The following SLCO2B1 variants were observed in gnomAD, a reference collection of about 807,000 sequenced individuals.
SLCO2B1 encodes solute carrier organic anion transporter family member 2B1.
A neutral mutation model predicts 67.3 loss-of-function variants in SLCO2B1; 41 were observed. The observed-to-expected ratio is 0.61, with a 90% confidence interval of 0.47 to 0.79. The LOEUF (loss-of-function observed/expected upper bound fraction) is 0.79. Among genes scored for constraint, SLCO2B1 ranks in the 30% least tolerant of loss-of-function variants. SLCO2B1 has a pLI of 0.00. For synonymous variants in SLCO2B1, 379 were observed against 381.4 expected, an observed-to-expected ratio of 0.99 and a Z score of 0.07; for missense variants, 837 against 920.1, an observed-to-expected ratio of 0.91 and a Z score of 1.17.
intron 1 of SLCO2B1, among the ~76,000 whole-genome samples, chr11:75,158,393 AGT>A: frequency 6.6e-6 from 1 of 152,232 alleles, no homozygotes; most frequent in East Asian, 1.9e-4. Context: ...TTGCACAAAG[AGT>A]GTGTGAGCTA....
chr11:75,164,271 AGGACTT>A (rs565228649), intron 3 of SLCO2B1, among the ~76,000 whole-genome samples, 171 bp downstream of exon 3: 148 of 152,130 alleles, frequency 9.7e-4, no homozygotes, highest in Non-Finnish European at 1.8e-3. Context: ...GCTGTCTTCT[AGGACTT>A]GGACTTGGCT....
At chr11:75,159,224 G>A (rs546151062) in intron 1 of SLCO2B1, among the ~76,000 whole-genome samples, 5 of 152,342 alleles carry the variant, frequency 3.3e-5, no homozygotes, top group East Asian at 3.9e-4. Context: ...CCAAGTGACC[G>A]ACTGACAGTC....
chr11:75,198,262 T>C (rs934912849), intron 10 of SLCO2B1, among the ~76,000 whole-genome samples: 4 of 152,222 alleles, frequency 2.6e-5, no homozygotes, highest in African/African-American at 9.6e-5. Context: ...GGCCTCTAAC[T>C]GACTCTGTTA....
At chr11:75,162,550 T>C (rs1399377230) in intron 1 of SLCO2B1, 105 bp from the exon 2 acceptor site, 6 of 1,246,278 alleles carry the variant, frequency 4.8e-6, no homozygotes, top group Non-Finnish European at 6.7e-6. Context: ...CTAAGAACTC[T>C]TCTTCCTGAA....
chr11:75,184,983 A>G (rs1257835118), intron 7 of SLCO2B1, among the ~76,000 whole-genome samples: 2 of 152,186 alleles, frequency 1.3e-5, no homozygotes, highest in African/African-American at 4.8e-5. Context: ...TCCCCTGAGG[A>G]CAGGAAACCT....
intron 3 of SLCO2B1, among the ~76,000 whole-genome samples, 196 bp downstream of exon 3, chr11:75,164,296 T>C (rs1399142863): frequency 2.0e-5 from 3 of 152,088 alleles, no homozygotes; most frequent in African/African-American, 7.2e-5. Flanking sequence ...CTGTCTCCCC[T>C]TGGGAACCTC....
intron 1 of SLCO2B1, among the ~76,000 whole-genome samples, chr11:75,157,455 C>A (rs1396864585): frequency 1.3e-5 from 2 of 152,164 alleles, no homozygotes; most frequent in Non-Finnish European, 2.9e-5. Context: ...CTGGGGGCTT[C>A]AAGCCTGTAT....
At chr11:75,177,947 A>T (rs553484060) in intron 7 of SLCO2B1, among the ~76,000 whole-genome samples, 229 of 152,146 alleles carry the variant, frequency 1.5e-3, no homozygotes, top group African/African-American at 5.0e-3. Context: ...TATAAAAATT[A>T]GCTGGGCATG....
intron 7 of SLCO2B1, among the ~76,000 whole-genome samples, chr11:75,187,052 T>C (rs543344129): frequency 1.3e-5 from 2 of 152,352 alleles, no homozygotes; most frequent in Non-Finnish European, 2.9e-5. Flanking sequence ...AAGGGATTAT[T>C]ATGGTATCTA....
intron 7 of SLCO2B1, among the ~76,000 whole-genome samples, chr11:75,177,521 A>G (rs183400687): frequency 1.5e-3 from 229 of 152,324 alleles, no homozygotes; most frequent in African/African-American, 5.0e-3. Flanking sequence ...CGAGGGGCTG[A>G]AGAAAAGACC....
At chr11:75,167,497 C>T (rs527382196) in intron 4 of SLCO2B1, among the ~76,000 whole-genome samples, 3 of 152,234 alleles carry the variant, frequency 2.0e-5, no homozygotes, top group Non-Finnish European at 2.9e-5. Context: ...GGGAGAGACT[C>T]GGGGATCTCC....
intron 7 of SLCO2B1, among the ~76,000 whole-genome samples, chr11:75,182,548 G>A (rs537819007): frequency 1.3e-5 from 2 of 152,288 alleles, no homozygotes; most frequent in South Asian, 4.1e-4. Flanking sequence ...TTCGAGACCA[G>A]CCTGCCCAAC....
chr11:75,156,746 G>C (rs983253900), intron 1 of SLCO2B1, among the ~76,000 whole-genome samples: 10 of 152,208 alleles, frequency 6.6e-5, no homozygotes, highest in African/African-American at 2.4e-4. Flanking sequence ...GCTGCTTATT[G>C]CCCATTTTTA....
Position 75,169,662 on chromosome 11 carries a change from G to A in SLCO2B1, c.683-4G>A, listed in dbSNP as rs199650493. 3.7e-5 allele frequency: 60 copies of A among 1,610,336 alleles called. No homozygotes were observed. Among genetic ancestry groups the A allele is most frequent in the Admixed American group, 2.7e-4 (16 of 59,502 alleles). On this transcript the variant is annotated splice_polypyrimidine_tract_variant and splice_region_variant and intron_variant, in intron 5 of 13. Transcript: ENST00000289575. ...AGGATCCTAACTCAGGCTTTGTGTT[G>A]TAGGGATCCTGTTTGCAGTGACCAT...
intron 10 of SLCO2B1, 136 bp downstream of exon 10, chr11:75,196,815 T>C (rs1945108348): frequency 3.6e-6 from 3 of 824,174 alleles, no homozygotes; most frequent in Non-Finnish European, 3.7e-6. Context: ...TGTTGGCAGA[T>C]GTAGAACATT....
At position 75,172,600 on chromosome 11, in the gene SLCO2B1, C is replaced by T; in HGVS notation, c.972+31C>T. ...CTCCCTCCATGTCACCTGACTGGGTCCAGGCTCCAGCACCACCCACTTGTT... is the reference window on the plus strand; with the variant it reads ...CTCCCTCCATGTCACCTGACTGGGTTCAGGCTCCAGCACCACCCACTTGTT... On this transcript the variant is annotated intron_variant, in intron 7 of 13. Transcript: ENST00000289575. 1.9e-6 allele frequency: 3 copies of T among 1,579,284 alleles called. No homozygotes were observed. In the South Asian group the frequency reaches 3.4e-5, roughly 18 times the overall value.
chr11:75,203,013 GC>G (rs1222253167), intron 12 of SLCO2B1, 48 bp downstream of exon 12: 1 of 1,524,756 alleles, frequency 6.6e-7, no homozygotes, highest in Non-Finnish European at 9.1e-7. Flanking sequence ...GGGTCCAGAT[GC>G]CCACTGTGTG....
chr11:75,184,284 T>A (rs1006698155), intron 7 of SLCO2B1, among the ~76,000 whole-genome samples: 4 of 152,178 alleles, frequency 2.6e-5, no homozygotes, highest in Admixed American at 1.3e-4. Context: ...GAAAACAAGA[T>A]AAACATGAAT....
At chr11:75,179,100 T>C (rs1317389831) in intron 7 of SLCO2B1, among the ~76,000 whole-genome samples, 1 of 152,138 alleles carries the variant, frequency 6.6e-6, no homozygotes, top group Non-Finnish European at 1.5e-5. Flanking sequence ...CTCTCCTTTC[T>C]TTCATTTAAA....
Sources: gnomAD v4.1 joint callset for allele counts (sites outside exome capture counted in the v4.1 genomes callset) on GRCh38, gnomAD v4.1.1 for gene constraint, MANE v1.5 for transcripts, NCBI Gene and HGNC (gene_info 2026-07-23, HGNC 2026-07-21) for gene names.